The following INTS6L variants were observed in gnomAD, a reference collection of about 807,000 sequenced individuals.
INTS6L encodes integrator complex subunit 6-like.
In INTS6L, 18 loss-of-function variants were observed where a neutral mutation model predicts 64.7. The ratio of observed to expected loss-of-function variants is 0.28; its 90% CI spans 0.19 to 0.41. The LOEUF (loss-of-function observed/expected upper bound fraction) is 0.41, where lower values mean the gene tolerates loss of function less well. INTS6L is among the 10% of genes least tolerant of loss of function. The probability of loss-of-function intolerance (pLI) is 1.00; values close to 1 mark genes in which losing one functional copy is unlikely to be tolerated. For missense variants in INTS6L, 533 were observed against 661.0 expected, an observed-to-expected ratio of 0.81 and a Z score of 2.12; for synonymous variants, 227 against 235.9, an observed-to-expected ratio of 0.96 and a Z score of 0.34.
chrX:135,551,610 C>T (rs1444933466), intron 7 of INTS6L, among the ~76,000 whole-genome samples: 2 of 112,217 alleles, frequency 1.8e-5, no homozygotes, highest in Non-Finnish European at 3.8e-5. Flanking sequence ...CTATCTGTAA[C>T]CTCATGGTAC....
At chrX:135,577,498 TTTTGTGTTCCTTCC>T in intron 15 of INTS6L, 71 bp downstream of exon 15, 1 of 1,021,456 alleles carries the variant, frequency 9.8e-7, no homozygotes, top group South Asian at 2.2e-5. Flanking sequence ...TTATTTCCCT[TTTTGTGTTCCTTCC>T]TTTGTGTTCA....
In INTS6L at chrX:135,541,178, G is replaced by T. The variant is rs142326826; in HGVS notation, c.190-4245G>T. ...GATTTTCCTGTTTACCCCTGCCTTG[G>T]ATTCTGTAGTGTGTCTACTGTCTGC... On this transcript the variant is annotated intron_variant, in intron 2 of 17. Coordinates refer to ENST00000639893, the MANE Select transcript of INTS6L (RefSeq NM_001351601.3). Among the ~76,000 whole-genome samples, 912 of 111,417 alleles carry T rather than the reference G, an allele frequency of 8.2e-3. 3 individuals are homozygous for T. Among genetic ancestry groups the T allele is most frequent in the Middle Eastern group, 0.042 (9 of 215 alleles).
rs1556527074 is a variant in INTS6L, at chrX:135,570,547, G to A, written c.1398+1G>A. 3.5e-6 allele frequency: 4 copies of A among 1,152,813 alleles called. No homozygotes were observed. The highest frequency in any genetic ancestry group is 4.6e-6 in the Non-Finnish European group (4 of 871,600). The stretch of plus-strand genomic sequence containing the variant: ...TTACCTTAAAAAACTCAGCCAACAG[G>A]TAGTATTGGTAAAAACAAACAAACA... On this transcript the variant is annotated splice_donor_variant, in intron 11 of 17. Coordinates refer to ENST00000639893, the MANE Select transcript of INTS6L (RefSeq NM_001351601.3). LOFTEE classifies it high-confidence loss of function.
chrX:135,523,402 C>CAAAAAAAA (rs782434658), intron 2 of INTS6L, among the ~76,000 whole-genome samples: 1 of 36,970 alleles, frequency 2.7e-5, no homozygotes, highest in South Asian at 4.1e-3. Context: ...ACTCTGTCGT[C>CAAAAAAAA]AAAAAAAAAA....
chrX:135,554,115 G>A (rs2086579454), intron 8 of INTS6L, among the ~76,000 whole-genome samples: 1 of 111,790 alleles, frequency 8.9e-6, no homozygotes, highest in Admixed American at 9.5e-5. Context: ...CTTGCACGAG[G>A]GACTTACATT....
chrX:135,578,258 G>A (rs1556532231), intron 15 of INTS6L, among the ~76,000 whole-genome samples: 1 of 111,409 alleles, frequency 9.0e-6, no homozygotes, highest in Non-Finnish European at 1.9e-5. Context: ...AGACTTACTT[G>A]TGGACATGCA....
chrX:135,543,825 T>G (rs1556513915), intron 2 of INTS6L, among the ~76,000 whole-genome samples: 2 of 112,303 alleles, frequency 1.8e-5, no homozygotes, highest in East Asian at 5.6e-4. Context: ...AAGTTCAGTT[T>G]ATCTAGTCCA....
chrX:135,572,688 C>T, intron 11 of INTS6L, 127 bp from the exon 12 acceptor site: 1 of 541,940 alleles, frequency 1.8e-6, no homozygotes, highest in South Asian at 4.0e-5. Context: ...GTTTAATTAT[C>T]CATTTTTCTG....
chrX:135,526,611 T>C (rs1556501331), intron 2 of INTS6L, among the ~76,000 whole-genome samples: 1 of 112,107 alleles, frequency 8.9e-6, no homozygotes, highest in Admixed American at 9.5e-5. Context: ...AACAACTTCC[T>C]CTGTGATCCT....
At chrX:135,529,546 T>C (rs2085846095) in intron 2 of INTS6L, among the ~76,000 whole-genome samples, 1 of 111,653 alleles carries the variant, frequency 9.0e-6, no homozygotes, top group African/African-American at 3.3e-5. Context: ...CTATAATGGC[T>C]CCCATTTAAG....
At chrX:135,552,667 T>C (rs2148628447) in intron 8 of INTS6L, among the ~76,000 whole-genome samples, 1 of 112,283 alleles carries the variant, frequency 8.9e-6, no homozygotes, top group Non-Finnish European at 1.9e-5. Context: ...ATGAGACAAA[T>C]GCATAGAGAT....
chrX:135,532,636 A>G (rs781948141), intron 2 of INTS6L, among the ~76,000 whole-genome samples: 1 of 112,117 alleles, frequency 8.9e-6, no homozygotes, highest in Admixed American at 9.5e-5. Flanking sequence ...TTAACCTTTT[A>G]TGGTGTCAGT....
chrX:135,573,228 T>C (rs181287845), intron 12 of INTS6L, among the ~76,000 whole-genome samples, 195 bp downstream of exon 12: 1 of 112,276 alleles, frequency 8.9e-6, no homozygotes, highest in Admixed American at 9.4e-5. Flanking sequence ...GTAACGCCCA[T>C]GAAAGATAAA....
intron 2 of INTS6L, 89 bp from the exon 3 acceptor site, chrX:135,545,334 A>C: frequency 9.3e-7 from 1 of 1,080,709 alleles, no homozygotes; most frequent in Non-Finnish European, 1.3e-6. Flanking sequence ...TTAATTTCTT[A>C]GAGTTTTGAT....
chrX:135,569,215 T>G, intron 9 of INTS6L, 122 bp from the exon 10 acceptor site: 1 of 352,525 alleles, frequency 2.8e-6, no homozygotes, highest in Non-Finnish European at 4.8e-6. Flanking sequence ...AAAAAGATAA[T>G]CAAATAAACG....
chrX:135,572,848 G>T lies in INTS6L; in HGVS notation c.1432G>T (p.Val478Leu). The T allele has an allele frequency of 8.3e-7, 1 of 1,211,268 alleles. No individual in the cohort carries two copies. Among genetic ancestry groups the T allele is most frequent in the Non-Finnish European group, 1.1e-6 (1 of 895,125 alleles). ...AGAGTCAGAACGAATACTAGCATCA[G>T]TGGGGAAGAAACCTCCCCAGGAAAT... Reference protein sequence around the residue: ...KLESERILASVGKKPPQEIGI... With the variant: ...KLESERILASLGKKPPQEIGI... The change falls in exon 12 of 18, where the codon GTG becomes TTG. Residue 478 changes from valine to leucine, a missense_variant. By Grantham distance (32) the Val-to-Leu change is conservative. Coordinates refer to ENST00000639893, the MANE Select transcript of INTS6L (RefSeq NM_001351601.3).
At chrX:135,579,746 A>G (rs2087322479) in intron 15 of INTS6L, 42 bp from the exon 16 acceptor site, 2 of 1,144,282 alleles carry the variant, frequency 1.7e-6, no homozygotes, top group Non-Finnish European at 2.3e-6. Flanking sequence ...GGTTGACATA[A>G]TACCCTTACC....
At chrX:135,547,330 T>C (rs782819723) in intron 6 of INTS6L, 65 bp downstream of exon 6, 1 of 1,102,380 alleles carries the variant, frequency 9.1e-7, no homozygotes, top group Admixed American at 2.9e-5. Flanking sequence ...ATTAAATAAA[T>C]TACTATAGAC....
chrX:135,539,946 T>C (rs957914861), intron 2 of INTS6L, among the ~76,000 whole-genome samples: 39 of 111,628 alleles, frequency 3.5e-4, no homozygotes, highest in African/African-American at 1.2e-3. Context: ...TCACTGATCA[T>C]AGATCACCAT....
Sources: allele counts gnomAD v4.1 joint callset (sites outside exome capture counted in the v4.1 genomes callset), GRCh38; gene constraint gnomAD v4.1.1; transcripts MANE v1.5; gene names NCBI Gene and HGNC (gene_info 2026-07-23, HGNC 2026-07-21).